PTER: variants seen among roughly 807,000 people sequenced by gnomAD.
PTER encodes the protein phosphotriesterase related.
PTER carries 38 observed loss-of-function variants against 29.6 expected under a neutral mutation model. That is an observed-to-expected ratio of 1.28 (90% CI 0.99 to 1.68). The LOEUF (loss-of-function observed/expected upper bound fraction) is 1.68. Ranked by LOEUF, PTER falls within the 40% of genes most tolerant of loss-of-function variation. The pLI, the probability that PTER is intolerant of heterozygous loss-of-function variation, is 0.00. For missense variants in PTER, 482 were observed against 427.8 expected (o/e 1.13, Z -1.12); for synonymous variants, 172 against 154.5 (o/e 1.11, Z -0.84).
intron 2 of PTER, 34 bp downstream of exon 2, chr10:16,484,850 C>T: frequency 1.3e-6 from 2 of 1,544,434 alleles, no homozygotes; most frequent in Non-Finnish European, 1.7e-6. Flanking sequence ...AGTATTTGTT[C>T]ATAAATTCAG....
chr10:16,449,962 TA>T (rs1163156868), intron 1 of PTER, among the ~76,000 whole-genome samples: 1 of 152,202 alleles, frequency 6.6e-6, no homozygotes, highest in Non-Finnish European at 1.5e-5. Context: ...GAACCTTTTC[TA>T]ACACCCTGAG....
chr10:16,478,615 T>C (rs928575357), intron 1 of PTER, among the ~76,000 whole-genome samples: 1 of 151,986 alleles, frequency 6.6e-6, no homozygotes, highest in Non-Finnish European at 1.5e-5. Flanking sequence ...ATTACAGGCT[T>C]GAGCCACCGT....
In PTER at chr10:16,484,659, G is replaced by A. The variant is rs1835617983; in HGVS notation, c.275G>A (p.Gly92Glu). ...EELLYFKANGGGALVENTTTG... is the reference protein window; with the variant it reads ...EELLYFKANGEGALVENTTTG... ...CTGTTGTATTTTAAAGCTAATGGTG[G>A]AGGGGCTTTGGTGGAAAACACAACC... The change falls in exon 2 of 5, where the codon GGA (glycine) becomes GAA (glutamate). Residue 92 changes from glycine to glutamate, a missense_variant. Gly to Glu is a moderately conservative substitution (Grantham distance 98). Coordinates refer to ENST00000535784, the MANE Select transcript of PTER (RefSeq NM_001261836.2). 5 of 1,614,146 alleles carry A rather than the reference G, an allele frequency of 3.1e-6. No homozygotes were observed. The East Asian group carries it at 1.1e-4, about 36-fold the overall frequency.
At chr10:16,487,006 C>T (rs1243090442) in intron 3 of PTER, among the ~76,000 whole-genome samples, 3 of 152,126 alleles carry the variant, frequency 2.0e-5, no homozygotes, top group African/African-American at 7.2e-5. Context: ...AAAGTTATCA[C>T]ACATATAAAG....
chr10:16,477,698 A>G (rs1835331162), intron 1 of PTER, among the ~76,000 whole-genome samples: 1 of 152,208 alleles, frequency 6.6e-6, no homozygotes, highest in Non-Finnish European at 1.5e-5. Flanking sequence ...GTGAAGAGCC[A>G]TGGATTCTTA....
At chr10:16,476,375 C>T (rs950380594) in intron 1 of PTER, among the ~76,000 whole-genome samples, 4 of 152,062 alleles carry the variant, frequency 2.6e-5, no homozygotes, top group Non-Finnish European at 4.4e-5. Context: ...CCACCATGCC[C>T]GACCTCATAC....
intron 1 of PTER, among the ~76,000 whole-genome samples, chr10:16,459,508 G>A (rs1184633459): frequency 1.3e-5 from 2 of 152,016 alleles, no homozygotes; most frequent in African/African-American, 4.8e-5. Flanking sequence ...GATAAATATC[G>A]ATTATTTTTA....
intron 3 of PTER, among the ~76,000 whole-genome samples, chr10:16,496,506 T>G (rs929292077): frequency 2.6e-5 from 4 of 152,192 alleles, no homozygotes; most frequent in African/African-American, 9.6e-5. Context: ...CTATTTCCCC[T>G]TATCTATTTA....
chr10:16,503,822 G>A lies in PTER; in HGVS notation c.699-1198G>A, dbSNP rs114219253. On this transcript the variant is annotated intron_variant, in intron 3 of 4. Transcript: ENST00000535784. The stretch of plus-strand genomic sequence containing the variant: ...CACAAACTGCTGGGATTGAGCCACC[G>A]CACCCTGCCACAAAGTAGTGCTTTA... Among the ~76,000 whole-genome samples, 1,411 of 152,248 alleles carry A rather than the reference G, an allele frequency of 9.3e-3. 33 individuals carry two copies. The highest frequency in any genetic ancestry group is 0.033 in the African/African-American group (1,359 of 41,560).
intron 1 of PTER, among the ~76,000 whole-genome samples, chr10:16,450,543 C>T (rs1307200023): frequency 6.6e-6 from 1 of 152,214 alleles, no homozygotes. Context: ...TCAATGCCCT[C>T]ACTTTGACAG....
intron 1 of PTER, among the ~76,000 whole-genome samples, chr10:16,443,722 A>G (rs1308462552): frequency 6.6e-6 from 1 of 152,232 alleles, no homozygotes; most frequent in African/African-American, 2.4e-5. Context: ...CTGAATGACA[A>G]ACATCCAAAT....
At chr10:16,469,175 A>G (rs1281392543) in intron 1 of PTER, among the ~76,000 whole-genome samples, 2 of 152,136 alleles carry the variant, frequency 1.3e-5, no homozygotes, top group Non-Finnish European at 2.9e-5. Flanking sequence ...TTAGGGAGGC[A>G]GAGTGGGAGT....
chr10:16,476,525 C>G (rs1392166797), intron 1 of PTER, among the ~76,000 whole-genome samples: 1 of 152,198 alleles, frequency 6.6e-6, no homozygotes, highest in African/African-American at 2.4e-5. Context: ...CACAGTCACA[C>G]AGCCAGAAAA....
At chr10:16,475,722 G>A (rs45543237) in intron 1 of PTER, among the ~76,000 whole-genome samples, 2 of 152,084 alleles carry the variant, frequency 1.3e-5, no homozygotes, top group Non-Finnish European at 2.9e-5. Flanking sequence ...GCTTATCCAT[G>A]GATAATGAGG....
At position 16,440,954 on chromosome 10, in the gene PTER, G is replaced by C. The variant is rs546197212; in HGVS notation, c.-49+3907G>C. Among the ~76,000 whole-genome samples the C allele has an allele frequency of 5.3e-5, 8 of 152,302 alleles. No individual in the cohort carries two copies. The South Asian group carries it at 1.7e-3, about 32-fold the overall frequency. ...GTTTACCAGATACCTTGGGAGCTGT[G>C]GGGAGGGCCCTGAAAGAGGCTTGTC... On this transcript the variant is annotated intron_variant, in intron 1 of 4. Transcript: ENST00000535784.
chr10:16,482,925 G>A (rs1242517335), intron 1 of PTER, among the ~76,000 whole-genome samples: 1 of 152,026 alleles, frequency 6.6e-6, no homozygotes, highest in African/African-American at 2.4e-5. Context: ...AGGATTACAG[G>A]CACGCTCCAC....
At chr10:16,454,303 G>A (rs142097400) in intron 1 of PTER, among the ~76,000 whole-genome samples, 1 of 152,000 alleles carries the variant, frequency 6.6e-6, no homozygotes, top group South Asian at 2.1e-4. Context: ...TGCCAGGCAC[G>A]GTGGCTCACG....
At chr10:16,468,824 A>T (rs1216073842) in intron 1 of PTER, among the ~76,000 whole-genome samples, 1 of 152,104 alleles carries the variant, frequency 6.6e-6, no homozygotes. Context: ...AAAATAAAAA[A>T]AATAATTGGG....
chr10:16,462,468 G>A (rs1473068377), intron 1 of PTER, among the ~76,000 whole-genome samples: 6 of 151,928 alleles, frequency 3.9e-5, no homozygotes, highest in Non-Finnish European at 7.4e-5. Context: ...GTTTATAGCA[G>A]TATCCTAAGG....
Sources: allele counts gnomAD v4.1 joint callset (sites outside exome capture counted in the v4.1 genomes callset), GRCh38; gene constraint gnomAD v4.1.1; transcripts MANE v1.5; gene names NCBI Gene and HGNC (gene_info 2026-07-23, HGNC 2026-07-21).